WARS1: variants seen among roughly 807,000 people sequenced by gnomAD.
WARS1 encodes the protein tryptophan--tRNA ligase, cytoplasmic.
A neutral mutation model predicts 47.8 loss-of-function variants in WARS1; 17 were observed. That is an observed-to-expected ratio of 0.36 (90% CI 0.24 to 0.53). The LOEUF (loss-of-function observed/expected upper bound fraction) is 0.53. WARS1 is among the 20% of genes least tolerant of loss of function. The probability of loss-of-function intolerance (pLI) is 0.91; values close to 1 mark genes in which losing one functional copy is unlikely to be tolerated. For synonymous variants in WARS1, 208 were observed against 228.1 expected (o/e 0.91, Z 0.79); for missense variants, 434 against 608.0 (o/e 0.71, Z 3.01).
At chr14:100,358,028 C>G (rs1895436443) in intron 4 of WARS1, among the ~76,000 whole-genome samples, 1 of 152,186 alleles carries the variant, frequency 6.6e-6, no homozygotes, top group Admixed American at 6.5e-5. Context: ...CTATCAAAAT[C>G]CTAGCTGCTG....
At position 100,373,237 on chromosome 14, in the gene WARS1, T is replaced by C. The variant is rs1463461560; in HGVS notation, c.-74+2046A>G. 1.3e-5 allele frequency among the ~76,000 whole-genome samples: 2 copies of C among 152,216 alleles called. No individual in the cohort carries two copies. The highest frequency in any genetic ancestry group is 1.3e-4 in the Admixed American group (2 of 15,272). On this transcript the variant is annotated intron_variant, in intron 1 of 10. Transcript: ENST00000392882. This position sits in a 1 kb window ranked among gnomAD's most constrained non-coding sequence, Gnocchi z 4.4. ...CTAAGGTTTATCCTTAGAATGTCTTTACTTGTTCCAGTTGAAGACTGATTC... is the reference window on the plus strand; with the variant it reads ...CTAAGGTTTATCCTTAGAATGTCTTCACTTGTTCCAGTTGAAGACTGATTC...
At chr14:100,339,049 TGAGCC>T (rs756904038) in intron 9 of WARS1, among the ~76,000 whole-genome samples, 31 of 151,284 alleles carry the variant, frequency 2.0e-4, no homozygotes, top group Non-Finnish European at 4.0e-4. Context: ...GAGGTTGTGG[TGAGCC>T]GAGATTGTGC....
chr14:100,352,590 G>A (rs1895067685), intron 6 of WARS1, among the ~76,000 whole-genome samples: 2 of 152,210 alleles, frequency 1.3e-5, no homozygotes, highest in Non-Finnish European at 2.9e-5. Context: ...CCCAGCCTGG[G>A]CTGCAGGAGC....
At chr14:100,343,614 A>G (rs1463104621) in intron 7 of WARS1, among the ~76,000 whole-genome samples, 1 of 151,656 alleles carries the variant, frequency 6.6e-6, no homozygotes, top group Non-Finnish European at 1.5e-5. Context: ...ATTACACTAT[A>G]TTTGGTCTTT....
In WARS1 at chr14:100,342,522, G is replaced by T; in HGVS notation, c.989C>A (p.Pro330His). Residue 330 changes from proline (P) to histidine (H), a missense_variant, in exon 9 of 11, where the codon CCT becomes CAT. This residue lies in a region of WARS1 where 347 missense variants were observed against 523.8 expected (regional missense o/e 0.66). Coordinates refer to ENST00000392882, the MANE Select transcript of WARS1 (RefSeq NM_004184.4). The stretch of plus-strand genomic sequence containing the variant: ...GGTGGAGTGCAGCAGGGCTGGTTTA[G>T]GATAGCCGATCCTGGGGGCGACGTC... Reference protein sequence around the residue: ...TRDVAPRIGYPKPALLHSTFF... With the variant: ...TRDVAPRIGYHKPALLHSTFF... The T allele has an allele frequency of 6.2e-7, 1 of 1,613,556 alleles. No individual in the cohort carries two copies. The highest frequency in any genetic ancestry group is 1.1e-5 in the South Asian group (1 of 91,052).
At chr14:100,361,073 G>A (rs1352604205) in intron 3 of WARS1, among the ~76,000 whole-genome samples, 2 of 152,024 alleles carry the variant, frequency 1.3e-5, no homozygotes, top group African/African-American at 2.4e-5. Flanking sequence ...TTCTTTATTT[G>A]TTGAACTGAA....
At chr14:100,358,747 A>C (rs1186770135) in intron 4 of WARS1, among the ~76,000 whole-genome samples, 2 of 152,242 alleles carry the variant, frequency 1.3e-5, no homozygotes, top group Admixed American at 1.3e-4. Flanking sequence ...CAACCTATAT[A>C]ATGGGAGCAA....
rs962519506 is a variant in WARS1 at position 100,334,574 on chromosome 14, G to T, written c.*301C>A. On this transcript the variant is annotated 3_prime_UTR_variant, in exon 11 of 11. Transcript: ENST00000392882. ...CATGGACAAGAACAGGGTGGCCCAT[G>T]GACTTCCAGCCAAAGGCTCCACTGT... 3 of 275,248 alleles carry T rather than the reference G, an allele frequency of 1.1e-5. No individual in the cohort carries two copies. The highest frequency in any genetic ancestry group is 2.1e-5 in the Non-Finnish European group (3 of 144,642). The allele number at this position is 275,248 out of a possible 1,614,324, so 17.1% of individuals were successfully genotyped here. A position where few individuals can be genotyped will look rare whatever the true frequency, so the allele number is the denominator to read the frequency against.
At chr14:100,352,108 C>CTTTTTTT (rs1172421175) in intron 6 of WARS1, among the ~76,000 whole-genome samples, 7 of 94,242 alleles carry the variant, frequency 7.4e-5, no homozygotes, top group East Asian at 3.5e-4. Context: ...CAGTTTCTTT[C>CTTTTTTT]TTTTTTTTTT....
rs60977618 is a variant in WARS1 at position 100,371,447 on chromosome 14, C to CAAAAAAAAAAAAAAAAA, written c.-73-2206_-73-2190dup. Among the ~76,000 whole-genome samples, 28 of 89,124 alleles carry CAAAAAAAAAAAAAAAAA rather than the reference C, an allele frequency of 3.1e-4. 2 individuals are homozygous for CAAAAAAAAAAAAAAAAA. Among genetic ancestry groups the CAAAAAAAAAAAAAAAAA allele is most frequent in the Non-Finnish European group, 5.5e-4 (19 of 34,704 alleles). 58.5% of individuals were successfully genotyped at this position (89,124 alleles called of 152,430 possible). On this transcript the variant is annotated intron_variant, in intron 1 of 10. Coordinates refer to ENST00000392882, the MANE Select transcript of WARS1 (RefSeq NM_004184.4). ...CCTGGGTGACAGAAAGGTTCTGTCT[C>CAAAAAAAAAAAAAAAAA]AAAAAAAAAAAAAAAAAAAAGTAGG...
At chr14:100,363,254 C>T (rs1051062840) in intron 2 of WARS1, among the ~76,000 whole-genome samples, 2 of 151,892 alleles carry the variant, frequency 1.3e-5, no homozygotes, top group Non-Finnish European at 2.9e-5. Context: ...GGAGGCTCTG[C>T]GAAAGTCAAA....
At chr14:100,368,385 T>C (rs1896138170) in intron 2 of WARS1, 1 of 455,750 alleles carries the variant, frequency 2.2e-6, no homozygotes, top group African/African-American at 2.0e-5. Context: ...TAACTACAAC[T>C]GCAATACAGA....
At chr14:100,356,841 A>G (rs1226884780) in intron 4 of WARS1, among the ~76,000 whole-genome samples, 1 of 152,226 alleles carries the variant, frequency 6.6e-6, no homozygotes, top group Non-Finnish European at 1.5e-5. Context: ...AAAGAAAACT[A>G]CAGACCAATA....
intron 2 of WARS1, chr14:100,367,037 T>A: frequency 2.6e-6 from 2 of 760,052 alleles, no homozygotes; most frequent in East Asian, 2.7e-5. Context: ...TTTAATACAG[T>A]AAAATAAGAT....
At chr14:100,343,491 A>C in intron 7 of WARS1, 104 bp from the exon 8 acceptor site, 1 of 755,130 alleles carries the variant, frequency 1.3e-6, no homozygotes, top group Non-Finnish European at 2.1e-6. Flanking sequence ...TAAAACAATC[A>C]TTAAAATAAA....
intron 2 of WARS1, chr14:100,367,029 T>A: frequency 1.2e-6 from 1 of 820,894 alleles, no homozygotes. Context: ...TAGTAAGATT[T>A]AATACAGTAA....
chr14:100,369,009 ATCTAT>A, intron 2 of WARS1, 73 bp downstream of exon 2: 5 of 1,053,092 alleles, frequency 4.7e-6, no homozygotes, highest in Non-Finnish European at 5.2e-6. Flanking sequence ...TGAGGAAACC[ATCTAT>A]TCTAGAGGAA....
intron 5 of WARS1, 158 bp downstream of exon 5, chr14:100,354,289 A>G (rs1895176273): frequency 4.6e-6 from 5 of 1,076,428 alleles, no homozygotes; most frequent in Non-Finnish European, 6.5e-6. Flanking sequence ...AAGTGAGCCC[A>G]GGAACAAAGT....
intron 7 of WARS1, among the ~76,000 whole-genome samples, chr14:100,343,917 G>A (rs987588709): frequency 1.3e-5 from 2 of 152,188 alleles, no homozygotes; most frequent in Non-Finnish European, 2.9e-5. Context: ...ACAGGCGTGA[G>A]CCACGGCGCC....
Sources: gnomAD v4.1 joint callset for allele counts (sites outside exome capture counted in the v4.1 genomes callset) on GRCh38, gnomAD v4.1.1 for gene constraint, gnomAD v4.1.1 regional missense constraint, Gnocchi (gnomAD v3.1) non-coding constraint, MANE v1.5 for transcripts, NCBI Gene and HGNC (gene_info 2026-07-23, HGNC 2026-07-21) for gene names.